Variants in SYTL2 observed in about 807,000 individuals in gnomAD.
The protein encoded by SYTL2 is synaptotagmin like 2.
Under a neutral mutation model 198.7 loss-of-function variants are expected in SYTL2, and 165 were observed. The ratio of observed to expected loss-of-function variants is 0.83; its 90% CI spans 0.73 to 0.94. The LOEUF (loss-of-function observed/expected upper bound fraction) is 0.94, where lower values mean the gene tolerates loss of function less well. Among genes scored for constraint, SYTL2 ranks in the 40% least tolerant of loss-of-function variants. The pLI, the probability that SYTL2 is intolerant of heterozygous loss-of-function variation, is 0.00. For missense variants in SYTL2, 2,835 were observed against 2,582.8 expected (o/e 1.10, Z -2.12); for synonymous variants, 966 against 917.7 (o/e 1.05, Z -0.95).
chr11:85,819,186 A>C, the SYTL2 span, among the ~76,000 whole-genome samples: 1 of 152,230 alleles, frequency 6.6e-6, no homozygotes. Context: ...TTTTCTGAAA[A>C]TTGTGCTTAC....
At chr11:85,763,097 G>T (rs1393421373) in intron 1 of SYTL2, among the ~76,000 whole-genome samples, 2 of 152,196 alleles carry the variant, frequency 1.3e-5, no homozygotes, top group Non-Finnish European at 2.9e-5. Context: ...TCATTCTGTG[G>T]TTTGAATAAG....
At chr11:85,803,196 T>C (rs2092914717) in intron 1 of SYTL2, among the ~76,000 whole-genome samples, 1 of 152,248 alleles carries the variant, frequency 6.6e-6, no homozygotes, top group African/African-American at 2.4e-5. Context: ...AGAATGCATA[T>C]TATAAAACTG....
intron 1 of SYTL2, among the ~76,000 whole-genome samples, chr11:85,777,150 A>G (rs1004796053): frequency 6.6e-6 from 1 of 152,220 alleles, no homozygotes; most frequent in Non-Finnish European, 1.5e-5. Context: ...AGAAGTGGAC[A>G]TTCTTTAGTC....
chr11:85,769,667 C>G (rs775636325), intron 1 of SYTL2, among the ~76,000 whole-genome samples: 1 of 152,154 alleles, frequency 6.6e-6, no homozygotes, highest in Non-Finnish European at 1.5e-5. Flanking sequence ...TTGTGCCAAA[C>G]CCCTATTGAC....
chr11:85,752,949 A>AC (rs2091625116), intron 2 of SYTL2, among the ~76,000 whole-genome samples: 3 of 143,376 alleles, frequency 2.1e-5, no homozygotes, highest in Non-Finnish European at 4.5e-5. Context: ...AAAAAAAAAA[A>AC]AACACAACTA....
At chr11:85,849,367 T>C in the SYTL2 span, among the ~76,000 whole-genome samples, 4 of 152,328 alleles carry the variant, frequency 2.6e-5, no homozygotes, top group South Asian at 2.1e-4. Flanking sequence ...TCCTTGCCCA[T>C]GCCTGTGTCC....
At position 85,725,043 on chromosome 11, in the gene SYTL2, C is replaced by A; in HGVS notation, c.4315G>T (p.Val1439Phe). ...CCAACTTCATGAGTTTTATCAGGAA[C>A]TACATTGGAGGAATAAAAATCCTTC... ...DRKDFYSSNVVPDKTHEVGSY... is the reference protein window; with the variant it reads ...DRKDFYSSNVFPDKTHEVGSY... Residue 1439 changes from valine (V) to phenylalanine (F), a missense_variant, in exon 8 of 20, where the codon GTT becomes TTT. This residue lies in a region of SYTL2 where 2,645 missense variants were observed against 2,381.7 expected (regional missense o/e 1.11). Coordinates refer to ENST00000359152, the MANE Select transcript of SYTL2 (RefSeq NM_206927.4). The A allele has an allele frequency of 6.2e-7, 1 of 1,614,182 alleles. No homozygotes were observed. The highest frequency in any genetic ancestry group is 8.5e-7 in the Non-Finnish European group (1 of 1,180,022).
chr11:85,725,087 T>A lies in SYTL2; in HGVS notation c.4271A>T (p.Asp1424Val), dbSNP rs757456155. 4 of 1,611,452 alleles carry A rather than the reference T, an allele frequency of 2.5e-6. No individual in the cohort carries two copies. In the South Asian group the frequency reaches 3.3e-5, roughly 13 times the overall value. The change falls in exon 8 of 20, where the codon GAC becomes GTC. Residue 1424 changes from aspartate (D) to valine (V), a missense_variant. Asp to Val is a radical substitution (Grantham distance 152). Transcript: ENST00000359152. Reference protein sequence around the residue: ...PGVISPWATMDTIVPDRKDFY... With the variant: ...PGVISPWATMVTIVPDRKDFY... The stretch of plus-strand genomic sequence containing the variant: ...ATCCTTCCTGTCTGGAACTATGGTG[T>A]CCATCGTAGCCCATGGTGATATCAC...
rs781647101 is a variant in SYTL2, at chr11:85,709,500, C to T, written c.5746G>A (p.Val1916Met). The T allele has an allele frequency of 1.9e-6, 3 of 1,613,430 alleles. No homozygotes were observed. The highest frequency in any genetic ancestry group is 1.1e-5 in the South Asian group (1 of 91,068). The change falls in exon 14 of 20, where the codon GTG becomes ATG. Residue 1916 changes from valine to methionine, a missense_variant and splice_region_variant. Val to Met is a conservative substitution (Grantham distance 21, BLOSUM62 1). Coordinates refer to ENST00000359152, the MANE Select transcript of SYTL2 (RefSeq NM_206927.4). ...SSSGMTSLSSVSGSVMSVYSG... is the reference protein window; with the variant it reads ...SSSGMTSLSSMSGSVMSVYSG... ...TAAACACTCATCACACTGCCACTCACCTGAAAGCATCAGAAATACATAGTG... is the reference window on the plus strand; with the variant it reads ...TAAACACTCATCACACTGCCACTCATCTGAAAGCATCAGAAATACATAGTG...
At chr11:85,775,088 A>G (rs2092428827) in intron 1 of SYTL2, among the ~76,000 whole-genome samples, 1 of 152,164 alleles carries the variant, frequency 6.6e-6, no homozygotes, top group Non-Finnish European at 1.5e-5. Context: ...TAGGCAGACT[A>G]CTGGAGAAAA....
the SYTL2 span, among the ~76,000 whole-genome samples, chr11:85,833,051 G>T: frequency 6.2e-4 from 18 of 29,012 alleles, 1 homozygote; most frequent in African/African-American, 2.3e-3. Flanking sequence ...AAGAAAGAAA[G>T]AAAGAAAGAA....
chr11:85,730,325 A>G (rs1292493316), intron 7 of SYTL2, among the ~76,000 whole-genome samples: 3 of 152,208 alleles, frequency 2.0e-5, no homozygotes, highest in Non-Finnish European at 4.4e-5. Context: ...CCTGATGAAC[A>G]TTGATACCAA....
At chr11:85,742,717 G>T (rs1301220594) in intron 4 of SYTL2, among the ~76,000 whole-genome samples, 1 of 152,086 alleles carries the variant, frequency 6.6e-6, no homozygotes, top group African/African-American at 2.4e-5. Context: ...ATCAATCTGT[G>T]ATGATTAGAA....
chr11:85,850,704 C>G, the SYTL2 span, among the ~76,000 whole-genome samples: 6 of 151,136 alleles, frequency 4.0e-5, no homozygotes, highest in South Asian at 1.1e-3. Flanking sequence ...ATAAATCATG[C>G]TGCTATAAAG....
chr11:85,733,785 G>A (rs903686178), intron 7 of SYTL2, 154 bp downstream of exon 7: 1 of 606,700 alleles, frequency 1.6e-6, no homozygotes, highest in African/African-American at 1.9e-5. Context: ...ATTTTTAGTA[G>A]AGACGGGGTT....
Position 85,725,006 on chromosome 11 carries a change from G to A in SYTL2, c.4352C>T (p.Ala1451Val), listed in dbSNP as rs769913802. 8.7e-6 allele frequency: 14 copies of A among 1,613,958 alleles called. No individual in the cohort carries two copies. Among genetic ancestry groups the A allele is most frequent in the African/African-American group, 2.7e-5 (2 of 74,938 alleles). The change falls in exon 8 of 20, where the codon GCT becomes GTT. Residue 1451 changes from alanine to valine, a missense_variant. Ala to Val is a moderately conservative substitution (Grantham distance 64). Transcript: ENST00000359152. ...DKTHEVGSYL[A>V]AQMSPSDQTL... The stretch of plus-strand genomic sequence containing the variant: ...CTGGTCTGATGGAGACATTTGGGCA[G>A]CTAAATAAGATCCAACTTCATGAGT...
At chr11:85,713,456 A>G (rs1201272423) in intron 12 of SYTL2, among the ~76,000 whole-genome samples, 2 of 152,216 alleles carry the variant, frequency 1.3e-5, no homozygotes, top group Non-Finnish European at 2.9e-5. Context: ...CAGAGAAGGT[A>G]CTGAATGTGT....
chr11:85,751,138 T>C (rs1392878623), intron 2 of SYTL2, among the ~76,000 whole-genome samples: 2 of 152,190 alleles, frequency 1.3e-5, no homozygotes, highest in Non-Finnish European at 2.9e-5. Flanking sequence ...CTCACTTGTT[T>C]TAAAGTGGCA....
Position 85,725,834 on chromosome 11 carries a change from GT to G in SYTL2, c.3523del (p.Thr1175GlnfsTer25), listed in dbSNP as rs1162986230. The G allele has an allele frequency of 2.5e-6, 4 of 1,613,916 alleles. No individual in the cohort carries two copies. Among genetic ancestry groups the G allele is most frequent in the Non-Finnish European group, 3.4e-6 (4 of 1,179,930 alleles). ...VSENRTWPQK[T>X]DFADTEEEVK... ...TTCTTCCTCAGTATCAGCAAAATCT[GT>G]TTTTTGAGGCCATGTCCTATTTTCA... On this transcript the variant is annotated frameshift_variant, in exon 8 of 20. Transcript: ENST00000359152. LOFTEE classifies it high-confidence loss of function.
Sources: allele counts gnomAD v4.1 joint callset (sites outside exome capture counted in the v4.1 genomes callset), GRCh38; gene constraint gnomAD v4.1.1; regional missense constraint gnomAD v4.1.1; transcripts MANE v1.5; gene names NCBI Gene and HGNC (gene_info 2026-07-23, HGNC 2026-07-21).